LIMK1: variants seen among roughly 807,000 people sequenced by gnomAD.
The protein encoded by LIMK1 is LIM domain kinase 1, also known as LIM motif-containing protein kinase.
LIMK1 carries 21 observed loss-of-function variants against 77.6 expected under a neutral mutation model. The observed-to-expected ratio is 0.27, with a 90% CI of 0.19 to 0.39. The LOEUF (loss-of-function observed/expected upper bound fraction) is 0.39. Ranked by LOEUF, LIMK1 falls within the 10% of genes least tolerant of loss-of-function variation. The pLI, the probability that LIMK1 is intolerant of heterozygous loss-of-function variation, is 1.00. For synonymous variants in LIMK1, 358 were observed against 370.0 expected (o/e 0.97, Z 0.37); for missense variants, 696 against 901.6 (o/e 0.77, Z 2.92).
intron 12 of LIMK1, 136 bp from the exon 13 acceptor site, chr7:74,115,666 C>T (rs782759698): frequency 1.7e-4 from 165 of 949,378 alleles, no homozygotes; most frequent in Non-Finnish European, 2.4e-4. Flanking sequence ...AAGGGGTCCC[C>T]ACCCTGTGCC....
At position 74,083,922 on chromosome 7, in the gene LIMK1, G is replaced by A; in HGVS notation, c.-69G>A. ...GCCCCCGCCTCCCCGGGCCGGCGGC[G>A]GTGGGCGAGCTCGCGGGCCCGGCCG... On this transcript the variant is annotated 5_prime_UTR_variant, in exon 1 of 16. Coordinates refer to ENST00000336180, the MANE Select transcript of LIMK1 (RefSeq NM_002314.4). 1.5e-5 allele frequency: 5 copies of A among 329,480 alleles called. No homozygotes were observed. Among genetic ancestry groups the A allele is most frequent in the Non-Finnish European group, 1.8e-5 (4 of 218,816 alleles). 20.4% of individuals were successfully genotyped at this position (329,480 alleles called of 1,614,324 possible). A position where few individuals can be genotyped will look rare whatever the true frequency, so the allele number is the denominator to read the frequency against.
chr7:74,120,474 G>T (rs1799908376), intron 13 of LIMK1, 109 bp from the exon 14 acceptor site: 6 of 1,179,432 alleles, frequency 5.1e-6, no homozygotes, highest in Non-Finnish European at 7.6e-6. Flanking sequence ...TGCCTCCTGG[G>T]CCTGGACCTC....
At chr7:74,096,388 C>T (rs1038140604) in intron 2 of LIMK1, among the ~76,000 whole-genome samples, 1 of 151,982 alleles carries the variant, frequency 6.6e-6, no homozygotes, top group East Asian at 2.0e-4. Context: ...GTAGTCCCAG[C>T]TACTCAGGAG....
chr7:74,099,721 T>A (rs1799416853), intron 5 of LIMK1, among the ~76,000 whole-genome samples: 1 of 151,562 alleles, frequency 6.6e-6, no homozygotes, highest in East Asian at 1.9e-4. Flanking sequence ...AGAGTGTAAC[T>A]CTGTATCAAA....
chr7:74,104,735 G>T (rs1375461993), intron 5 of LIMK1, among the ~76,000 whole-genome samples: 1 of 152,194 alleles, frequency 6.6e-6, no homozygotes, highest in Non-Finnish European at 1.5e-5. Flanking sequence ...ATAGGCAACT[G>T]ATCGAGGGTC....
At chr7:74,115,452 T>C (rs1245044272) in intron 12 of LIMK1, 1 of 231,998 alleles carries the variant, frequency 4.3e-6, no homozygotes, top group African/African-American at 2.2e-5. Flanking sequence ...TCCTGTCTTC[T>C]CTCCGAAACA....
intron 4 of LIMK1, among the ~76,000 whole-genome samples, chr7:74,098,112 C>T (rs1379092585): frequency 6.6e-6 from 1 of 152,110 alleles, no homozygotes; most frequent in African/African-American, 2.4e-5. Context: ...CTGATTGAGT[C>T]ATTGGCCGTA....
chr7:74,096,597 T>C (rs1554695628), intron 2 of LIMK1, 25 bp from the exon 3 acceptor site: 2 of 1,613,596 alleles, frequency 1.2e-6, no homozygotes, highest in Non-Finnish European at 8.5e-7. Flanking sequence ...GGAGTGGACG[T>C]CTCAGCCCGG....
intron 2 of LIMK1, among the ~76,000 whole-genome samples, chr7:74,087,572 C>T (rs1799156921): frequency 6.6e-6 from 1 of 152,074 alleles, no homozygotes; most frequent in African/African-American, 2.4e-5. Flanking sequence ...TTATTTTAGG[C>T]TTCTGCCTTG....
chr7:74,118,377 A>ACACAC (rs1799861424), intron 13 of LIMK1, among the ~76,000 whole-genome samples: 3 of 130,132 alleles, frequency 2.3e-5, no homozygotes, highest in African/African-American at 8.9e-5. Context: ...CTCTGTGTCA[A>ACACAC]ACACACACAC....
At position 74,101,486 on chromosome 7, in the gene LIMK1, G is replaced by A. The variant is rs150661320; in HGVS notation, c.608+2248G>A. On this transcript the variant is annotated intron_variant, in intron 5 of 15. Transcript: ENST00000336180. ...TGACACCATGCATTCCAGCTTGGGCGACAGAGCGAGACCCTATCTCTAAAA... is the reference window on the plus strand; with the variant it reads ...TGACACCATGCATTCCAGCTTGGGCAACAGAGCGAGACCCTATCTCTAAAA... Among the ~76,000 whole-genome samples the A allele has an allele frequency of 8.5e-5, 13 of 152,280 alleles. No individual in the cohort carries two copies. In the East Asian group the frequency reaches 2.3e-3, roughly 27 times the overall value.
chr7:74,116,758 G>A (rs533323810), intron 13 of LIMK1, among the ~76,000 whole-genome samples: 23 of 150,590 alleles, frequency 1.5e-4, no homozygotes, highest in Admixed American at 2.7e-4. Context: ...CTGGAGTGCA[G>A]TGGTGCCACC....
rs545421007 is a variant in LIMK1, at chr7:74,114,624, G to C, written c.1411-1178G>C. ...TCACCTGCTTATTGGGAATATTCAA[G>C]ATAAAATTAGGCCAGGCACGGTGGC... On this transcript the variant is annotated intron_variant, in intron 12 of 15. Transcript: ENST00000336180. Among the ~76,000 whole-genome samples the C allele has an allele frequency of 2.0e-5, 3 of 150,618 alleles. No individual in the cohort carries two copies. The South Asian group carries it at 6.3e-4, about 32-fold the overall frequency.
rs1584124200 is a variant in LIMK1, at chr7:74,108,807, C to T, written c.1153-98C>T. 8 of 1,520,162 alleles carry T rather than the reference C, an allele frequency of 5.3e-6. No individual in the cohort carries two copies. The East Asian group carries it at 1.6e-4, about 31-fold the overall frequency. The allele number at this position is 1,520,162 out of a possible 1,614,324, so 94.2% of individuals were successfully genotyped here. On this transcript the variant is annotated intron_variant, in intron 9 of 15. Transcript: ENST00000336180. ...AGCTGGGGGTTCCGTATCTTTGAGA[C>T]CGCCTACAGCCCCTGGTGGGATGGA...
chr7:74,118,379 C>G (rs1400281374), intron 13 of LIMK1, among the ~76,000 whole-genome samples: 1 of 21,420 alleles, frequency 4.7e-5, no homozygotes, highest in African/African-American at 2.2e-4. Flanking sequence ...CTGTGTCAAA[C>G]ACACACACAC....
intron 13 of LIMK1, among the ~76,000 whole-genome samples, 198 bp downstream of exon 13, chr7:74,116,156 G>T (rs1208236939): frequency 6.6e-6 from 1 of 152,202 alleles, no homozygotes; most frequent in Non-Finnish European, 1.5e-5. Flanking sequence ...CACTTTGGGA[G>T]GCTGAGGTGA....
chr7:74,092,458 A>G (rs1403678050), intron 2 of LIMK1, among the ~76,000 whole-genome samples: 1 of 152,188 alleles, frequency 6.6e-6, no homozygotes, highest in African/African-American at 2.4e-5. Flanking sequence ...CAATTGCTGC[A>G]GGCCCATGGG....
At chr7:74,102,955 G>A (rs1252666618) in intron 5 of LIMK1, among the ~76,000 whole-genome samples, 3 of 149,230 alleles carry the variant, frequency 2.0e-5, no homozygotes, top group African/African-American at 4.9e-5. Flanking sequence ...TGCAACCTCC[G>A]CCTTTGGGCT....
chr7:74,099,260 G>T (rs782626523), intron 5 of LIMK1, 22 bp downstream of exon 5: 15 of 1,598,642 alleles, frequency 9.4e-6, no homozygotes, highest in African/African-American at 1.3e-5. Flanking sequence ...GCCTGCCGAG[G>T]CTGCCGTCGG....
Sources: allele counts gnomAD v4.1 joint callset (sites outside exome capture counted in the v4.1 genomes callset), GRCh38; gene constraint gnomAD v4.1.1; transcripts MANE v1.5; gene names NCBI Gene and HGNC (gene_info 2026-07-23, HGNC 2026-07-21).